TSNAX: variants seen among roughly 807,000 people sequenced by gnomAD.
The protein encoded by TSNAX is translin associated factor X, also known as translin-associated protein X.
A neutral mutation model predicts 33.0 loss-of-function variants in TSNAX; 12 were observed. The ratio of observed to expected loss-of-function variants is 0.36; its 90% CI spans 0.23 to 0.59. The LOEUF (loss-of-function observed/expected upper bound fraction) is 0.59, where lower values mean the gene tolerates loss of function less well. Ranked by LOEUF, TSNAX falls within the 20% of genes least tolerant of loss-of-function variation. The probability of loss-of-function intolerance (pLI) is 0.74; values close to 1 mark genes in which losing one functional copy is unlikely to be tolerated. For missense variants in TSNAX, 267 were observed against 341.3 expected (o/e 0.78, Z 1.72); for synonymous variants, 110 against 117.2 (o/e 0.94, Z 0.40).
At chr1:231,562,665 T>C (rs962591524) in intron 5 of TSNAX, among the ~76,000 whole-genome samples, 1 of 152,154 alleles carries the variant, frequency 6.6e-6, no homozygotes, top group African/African-American at 2.4e-5. Flanking sequence ...AGGTACCAGA[T>C]TATTTTAAGA....
chr1:231,544,653 G>A (rs1022710351), intron 4 of TSNAX, among the ~76,000 whole-genome samples: 1 of 152,146 alleles, frequency 6.6e-6, no homozygotes, highest in Non-Finnish European at 1.5e-5. Flanking sequence ...TATTTTGTAT[G>A]TCCTCATGCA....
Position 231,528,823 on chromosome 1 carries a change from G to A in TSNAX, c.13G>A (p.Glu5Lys). The stretch of plus-strand genomic sequence containing the variant: ...AGGCTGTGACGACATGAGCAACAAA[G>A]AAGGTGGCGTCCTTAACAACACGGG... MSNKEGSGGFRKRKH... is the reference protein window; with the variant it reads MSNKKGSGGFRKRKH... Residue 5 changes from glutamate (E) to lysine (K), a missense_variant, in exon 1 of 6, where the codon GAA becomes AAA. Transcript: ENST00000366639. The A allele has an allele frequency of 3.7e-6, 6 of 1,614,208 alleles. No individual in the cohort carries two copies. The highest frequency in any genetic ancestry group is 1.3e-5 in the African/African-American group (1 of 75,066).
chr1:231,560,444 C>T (rs1411297854), intron 4 of TSNAX, among the ~76,000 whole-genome samples: 5 of 99,394 alleles, frequency 5.0e-5, no homozygotes, highest in Non-Finnish European at 7.2e-5. Flanking sequence ...GACGAAGTCT[C>T]GCTCTTGTCC....
intron 4 of TSNAX, among the ~76,000 whole-genome samples, chr1:231,550,642 G>A (rs1660238859): frequency 6.6e-6 from 1 of 152,220 alleles, no homozygotes; most frequent in Admixed American, 6.5e-5. Context: ...ATCCCAGCAA[G>A]TGAGAACACA....
At chr1:231,559,006 G>T (rs1660866575) in intron 4 of TSNAX, among the ~76,000 whole-genome samples, 1 of 151,952 alleles carries the variant, frequency 6.6e-6, no homozygotes, top group Admixed American at 6.5e-5. Context: ...CCTTTGCCTG[G>T]CATTTGATGT....
intron 2 of TSNAX, among the ~76,000 whole-genome samples, chr1:231,532,185 C>CACACACACACACAG (rs1356252515): frequency 1.3e-4 from 15 of 116,130 alleles, no homozygotes; most frequent in African/African-American, 2.0e-4. Context: ...CACACACACA[C>CACACACACACACAG]AGTTTTGGTT....
Position 231,529,367 on chromosome 1 carries a change from C to T in TSNAX, c.121+8C>T. ...TGATGTTGGCCTTTAAATGTAAGTT[C>T]TCTGCAATGTAAGTTGAAGAAGGGG... On this transcript the variant is annotated splice_region_variant and intron_variant, in intron 2 of 5. Transcript: ENST00000366639. 13 of 1,613,118 alleles carry T rather than the reference C, an allele frequency of 8.1e-6. No homozygotes were observed. Among genetic ancestry groups the T allele is most frequent in the Non-Finnish European group, 1.1e-5 (13 of 1,179,256 alleles).
At chr1:231,543,008 C>A (rs551619124) in intron 4 of TSNAX, among the ~76,000 whole-genome samples, 1 of 151,992 alleles carries the variant, frequency 6.6e-6, no homozygotes, top group African/African-American at 2.4e-5. Flanking sequence ...GAAACCCCGA[C>A]TCAACTAAAA....
intron 4 of TSNAX, among the ~76,000 whole-genome samples, chr1:231,547,987 T>C (rs2124917461): frequency 6.6e-6 from 1 of 151,838 alleles, no homozygotes; most frequent in Non-Finnish European, 1.5e-5. Context: ...ACTACAGGCG[T>C]CCGCTACCAC....
intron 4 of TSNAX, among the ~76,000 whole-genome samples, chr1:231,555,121 G>A (rs1321820040): frequency 1.3e-5 from 2 of 152,180 alleles, no homozygotes; most frequent in Admixed American, 6.5e-5. Context: ...GTTTACAGCA[G>A]CATTACTTAG....
intron 5 of TSNAX, among the ~76,000 whole-genome samples, chr1:231,562,504 A>C (rs1409482852): frequency 6.6e-6 from 1 of 152,122 alleles, no homozygotes; most frequent in Non-Finnish European, 1.5e-5. Flanking sequence ...ACTGAATTAC[A>C]CAAAGAAGTA....
chr1:231,542,402 A>G, intron 3 of TSNAX, 79 bp from the exon 4 acceptor site: 2 of 1,475,570 alleles, frequency 1.4e-6, no homozygotes, highest in African/African-American at 1.4e-5. Flanking sequence ...ATTTAGCCCT[A>G]TGTTGATAAT....
intron 2 of TSNAX, chr1:231,535,597 C>A: frequency 6.6e-6 from 1 of 152,070 alleles, no homozygotes; most frequent in East Asian, 1.9e-4. Flanking sequence ...ACAAATTAAG[C>A]AGAGTAGATG....
intron 4 of TSNAX, 139 bp from the exon 5 acceptor site, chr1:231,560,989 T>G: frequency 1.6e-5 from 12 of 773,804 alleles, no homozygotes; most frequent in Non-Finnish European, 2.3e-5. Context: ...TCTAAGTGTC[T>G]AGTCTAGTAC....
intron 2 of TSNAX, 169 bp from the exon 3 acceptor site, chr1:231,537,044 G>C (rs1237796195): frequency 4.3e-6 from 2 of 461,160 alleles, no homozygotes; most frequent in East Asian, 3.9e-5. Flanking sequence ...TCTAGGCCAG[G>C]ATGGTCTTGA....
chr1:231,564,795 AATGCTTGTT>A lies in TSNAX; in HGVS notation c.768_776del (p.Cys257_Ala259del). The A allele has an allele frequency of 6.2e-7, 1 of 1,614,164 alleles. No individual in the cohort carries two copies. Among genetic ancestry groups the A allele is most frequent in the African/African-American group, 1.3e-5 (1 of 75,032 alleles). ...GAAACAAAGTTTGGCCAAAGTGGAG[AATGCTTGTT>A]ATGCCTTGAAAGTCAGAGGGTCAGA... On this transcript the variant is annotated inframe_deletion, in exon 6 of 6. Coordinates refer to ENST00000366639, the MANE Select transcript of TSNAX (RefSeq NM_005999.3).
At chr1:231,555,297 C>T (rs1051609053) in intron 4 of TSNAX, among the ~76,000 whole-genome samples, 3 of 152,066 alleles carry the variant, frequency 2.0e-5, no homozygotes, top group Non-Finnish European at 2.9e-5. Context: ...TGAAATAAGC[C>T]AATCACAAAA....
rs1184422293 is a variant in TSNAX at position 231,542,345 on chromosome 1, AAT to A, written c.237-134_237-133del. 7 of 789,620 alleles carry A rather than the reference AAT, an allele frequency of 8.9e-6. No homozygotes were observed. The Admixed American group carries it at 9.6e-5, about 11-fold the overall frequency. 48.9% of individuals were successfully genotyped at this position (789,620 alleles called of 1,614,324 possible). On this transcript the variant is annotated intron_variant, in intron 3 of 5. Transcript: ENST00000366639. ...ACATTTTCATGTTCTCCATACTATG[AAT>A]AGTTTTGAGTAGTTTTGAGTTAGAA... is the stretch of plus-strand genomic sequence containing the variant.
chr1:231,543,659 G>GT (rs1176099387), intron 4 of TSNAX, among the ~76,000 whole-genome samples: 6 of 152,252 alleles, frequency 3.9e-5, no homozygotes, highest in Non-Finnish European at 5.9e-5. Flanking sequence ...TTCAGCACTT[G>GT]TTTTTTCAGA....
Sources: gnomAD v4.1 joint callset for allele counts (sites outside exome capture counted in the v4.1 genomes callset) on GRCh38, gnomAD v4.1.1 for gene constraint, MANE v1.5 for transcripts, NCBI Gene and HGNC (gene_info 2026-07-23, HGNC 2026-07-21) for gene names.